The following CEP83 variants were observed in gnomAD, a reference collection of about 807,000 sequenced individuals.
CEP83 encodes the protein centrosomal protein of 83 kDa.
In CEP83, 70 loss-of-function variants were observed where a neutral mutation model predicts 101.9. The observed-to-expected ratio is 0.69, with a 90% CI of 0.57 to 0.84. The LOEUF is 0.84. Among genes scored for constraint, CEP83 ranks in the 40% least tolerant of loss-of-function variants. The probability of loss-of-function intolerance (pLI) is 0.00; values close to 1 mark genes in which losing one functional copy is unlikely to be tolerated. For missense variants in CEP83, 715 were observed against 787.2 expected (o/e 0.91, Z 1.10); for synonymous variants, 264 against 267.9 (o/e 0.99, Z 0.14).
chr12:94,341,865 C>CA (rs1340947222), intron 11 of CEP83, among the ~76,000 whole-genome samples: 3 of 152,084 alleles, frequency 2.0e-5, no homozygotes, highest in Non-Finnish European at 4.4e-5. Flanking sequence ...AACAGAAACC[C>CA]AAAGCAGGAG....
At chr12:94,423,942 G>A (rs11107534) in intron 2 of CEP83, 411,937 of 1,611,592 alleles carry the variant, frequency 0.26, 54,376 homozygotes, top group South Asian at 0.29. Context: ...TGGCCCAGTT[G>A]CTGGGTAAGG....
At chr12:94,449,687 C>T (rs539483947) in intron 1 of CEP83, among the ~76,000 whole-genome samples, 10 of 146,326 alleles carry the variant, frequency 6.8e-5, no homozygotes, top group Admixed American at 4.2e-4. Context: ...GCCGGAGAAT[C>T]GCATGAGCCC....
the CEP83 span, among the ~76,000 whole-genome samples, chr12:94,279,174 T>C: frequency 2.0e-5 from 3 of 152,170 alleles, no homozygotes; most frequent in African/African-American, 7.2e-5. Context: ...TGAGGAGAAA[T>C]TAGAAATCAC....
chr12:94,449,779 TAAAAAA>T (rs71071787), intron 1 of CEP83, among the ~76,000 whole-genome samples: 31 of 48,580 alleles, frequency 6.4e-4, no homozygotes, highest in South Asian at 1.9e-3. Flanking sequence ...TCTCAAACAA[TAAAAAA>T]AAAAAAAAAA....
the CEP83 span, among the ~76,000 whole-genome samples, chr12:94,278,951 T>C: frequency 2.6e-5 from 4 of 151,734 alleles, no homozygotes; most frequent in East Asian, 1.9e-4. Flanking sequence ...TGAGCCAAGA[T>C]AGCACCATTG....
chr12:94,437,175 CT>C (rs1207611356), intron 1 of CEP83, among the ~76,000 whole-genome samples: 1 of 150,142 alleles, frequency 6.7e-6, no homozygotes, highest in African/African-American at 2.5e-5. Context: ...GAAACCCCAA[CT>C]AAACTAAAAA....
At chr12:94,433,109 G>C (rs2065762408) in intron 2 of CEP83, among the ~76,000 whole-genome samples, 1 of 152,130 alleles carries the variant, frequency 6.6e-6, no homozygotes, top group Non-Finnish European at 1.5e-5. Context: ...AACACCCTGG[G>C]GAGGTAAGGT....
intron 8 of CEP83, among the ~76,000 whole-genome samples, chr12:94,372,609 G>A (rs2061355200): frequency 6.6e-6 from 1 of 151,998 alleles, no homozygotes; most frequent in Non-Finnish European, 1.5e-5. Flanking sequence ...TTATTTCATA[G>A]GAAGTTGATT....
At chr12:94,424,240 G>A in intron 2 of CEP83, 2 of 1,613,776 alleles carry the variant, frequency 1.2e-6, no homozygotes, top group Non-Finnish European at 1.7e-6. Context: ...TGATGCCCAT[G>A]TCTCCATTCC....
chr12:94,376,518 T>C (rs1276185941), intron 7 of CEP83, among the ~76,000 whole-genome samples: 1 of 152,008 alleles, frequency 6.6e-6, no homozygotes, highest in African/African-American at 2.4e-5. Context: ...ACTTTTTAAG[T>C]ACGAGCAAAG....
chr12:94,325,232 C>T (rs1390122807), intron 14 of CEP83, among the ~76,000 whole-genome samples: 1 of 151,746 alleles, frequency 6.6e-6, no homozygotes, highest in Non-Finnish European at 1.5e-5. Context: ...AATGTGCTGC[C>T]ACCATCTCCG....
At chr12:94,329,763 T>C (rs887924891) in intron 14 of CEP83, among the ~76,000 whole-genome samples, 4 of 152,176 alleles carry the variant, frequency 2.6e-5, no homozygotes, top group Non-Finnish European at 5.9e-5. Context: ...CCCATTAATA[T>C]TCATACACTT....
downstream of CEP83, chr12:94,303,964 GTCTT>G (rs747710877): frequency 3.7e-6 from 6 of 1,606,530 alleles, no homozygotes; most frequent in Non-Finnish European, 4.3e-6. Context: ...CTCTCAACAA[GTCTT>G]TCTTTTAGAA....
intron 6 of CEP83, among the ~76,000 whole-genome samples, chr12:94,397,630 C>CA (rs1032835645): frequency 1.3e-5 from 2 of 152,096 alleles, no homozygotes; most frequent in African/African-American, 4.8e-5. Context: ...TTCACTATTT[C>CA]AAAAACAACA....
At chr12:94,275,055 A>G in the CEP83 span, among the ~76,000 whole-genome samples, 1 of 152,170 alleles carries the variant, frequency 6.6e-6, no homozygotes. Context: ...ACTTCCCTAC[A>G]TTCCCTCAGC....
At chr12:94,377,057 G>A (rs1047427558) in intron 7 of CEP83, among the ~76,000 whole-genome samples, 2 of 152,010 alleles carry the variant, frequency 1.3e-5, no homozygotes, top group African/African-American at 4.8e-5. Flanking sequence ...TAATTAAAAT[G>A]AAGACATTTT....
In CEP83 at chr12:94,412,506, G is replaced by A. The variant is rs762882638; in HGVS notation, c.-16C>T. ...TGACAACCATGTAAAAATAAGTTTTGGCTTTCTTACTGTTTTAGTTTTCTT... is the reference window on the plus strand; with the variant it reads ...TGACAACCATGTAAAAATAAGTTTTAGCTTTCTTACTGTTTTAGTTTTCTT... On this transcript the variant is annotated 5_prime_UTR_variant, in exon 3 of 17. Transcript: ENST00000397809. The A allele has an allele frequency of 4.4e-6, 7 of 1,607,050 alleles. No homozygotes were observed. Among genetic ancestry groups the A allele is most frequent in the Non-Finnish European group, 5.9e-6 (7 of 1,177,418 alleles).
At chr12:94,360,962 A>G (rs1426597148) in intron 11 of CEP83, among the ~76,000 whole-genome samples, 1 of 152,236 alleles carries the variant, frequency 6.6e-6, no homozygotes. Context: ...ATATTTACAG[A>G]TAACTGATTT....
At chr12:94,346,185 G>A (rs1035562728) in intron 11 of CEP83, among the ~76,000 whole-genome samples, 2 of 152,034 alleles carry the variant, frequency 1.3e-5, no homozygotes, top group African/African-American at 4.8e-5. Context: ...GAGTAGCTGG[G>A]ATTACAGGCA....
Sources: allele counts gnomAD v4.1 joint callset (sites outside exome capture counted in the v4.1 genomes callset), GRCh38; gene constraint gnomAD v4.1.1; transcripts MANE v1.5; gene names NCBI Gene and HGNC (gene_info 2026-07-23, HGNC 2026-07-21).